Variants in ACACB observed in about 807,000 individuals in gnomAD.
The protein encoded by ACACB is acetyl-CoA carboxylase 2.
ACACB carries 209 observed loss-of-function variants against 278.8 expected under a neutral mutation model. The ratio of observed to expected loss-of-function variants is 0.75; its 90% confidence interval spans 0.67 to 0.84. The LOEUF (loss-of-function observed/expected upper bound fraction) is 0.84, where lower values mean the gene tolerates loss of function less well. ACACB is among the 40% of genes least tolerant of loss of function. The pLI, the probability that ACACB is intolerant of heterozygous loss-of-function variation, is 0.00. For synonymous variants in ACACB, 1,174 were observed against 1,285.6 expected (o/e 0.91, Z 1.86); for missense variants, 2,850 against 3,269.0 (o/e 0.87, Z 3.13).
At chr12:109,146,661 C>A (rs1271253024) in intron 2 of ACACB, among the ~76,000 whole-genome samples, 3 of 152,082 alleles carry the variant, frequency 2.0e-5, no homozygotes, top group Admixed American at 1.3e-4. Context: ...TTTGTTGTCG[C>A]CGTCTTGAGA....
chr12:109,247,059 G>C (rs2046966899), intron 39 of ACACB, among the ~76,000 whole-genome samples: 1 of 151,970 alleles, frequency 6.6e-6, no homozygotes. Context: ...TCCAGACTGG[G>C]CAACTGAGTG....
rs1367866186 is a variant in ACACB at position 109,265,091 on chromosome 12, A to C, written c.6943-19A>C. The stretch of plus-strand genomic sequence containing the variant: ...CTCCTCCTTCCCTTTCCGGGGATTC[A>C]AGCCTGGCTCGTCCACAGGACATCC... On this transcript the variant is annotated intron_variant, in intron 50 of 52. Transcript: ENST00000338432. The C allele has an allele frequency of 6.3e-7, 1 of 1,591,430 alleles. No homozygotes were observed. Among genetic ancestry groups the C allele is most frequent in the African/African-American group, 1.3e-5 (1 of 74,498 alleles).
intron 22 of ACACB, among the ~76,000 whole-genome samples, chr12:109,214,119 G>A (rs529902827): frequency 1.6e-4 from 25 of 151,840 alleles, no homozygotes; most frequent in African/African-American, 5.8e-4. Context: ...AAAATGAGTC[G>A]GGGATGGTGG....
In ACACB at chr12:109,117,046, TC is replaced by T. The variant is rs372893889; in HGVS notation, c.-10+343del. Among the ~76,000 whole-genome samples, 35 of 137,834 alleles carry T rather than the reference TC, an allele frequency of 2.5e-4. No homozygotes were observed. In the South Asian group the frequency reaches 8.1e-3, roughly 32 times the overall value. 90.4% of individuals were successfully genotyped at this position (137,834 alleles called of 152,430 possible). A position where few individuals can be genotyped will look rare whatever the true frequency, so the allele number is the denominator to read the frequency against. On this transcript the variant is annotated intron_variant, in intron 1 of 52. Coordinates refer to ENST00000338432, the MANE Select transcript of ACACB (RefSeq NM_001093.4). ...TGTTTCTGTTTCCTCAAATGGTTGT[TC>T]TTTTTTTTTTTTTTTTTTTTTTTAA...
rs1250169428 is a variant in ACACB, at chr12:109,180,020, G to A, written c.1751G>A (p.Arg584His). Residue 584 changes from arginine to histidine, a missense_variant, in exon 11 of 53, where the codon CGC (arginine) becomes CAC (histidine). Around this residue, in one of 3 missense-constraint regions of ACACB, gnomAD observed 2,265 missense variants for 2,561.3 expected, o/e 0.88. Transcript: ENST00000338432. ...GSFHFLELNP[R>H]LQVEHPCTEM... ...TTCCACTTCTTGGAGCTGAATCCTC[G>A]CTTGCAGGTGGAACATCCCTGCACA... 7 of 1,613,422 alleles carry A rather than the reference G, an allele frequency of 4.3e-6. No homozygotes were observed. The East Asian group carries it at 6.7e-5, about 15-fold the overall frequency.
intron 2 of ACACB, among the ~76,000 whole-genome samples, chr12:109,152,715 G>A (rs1032116183): frequency 2.8e-5 from 4 of 142,816 alleles, no homozygotes; most frequent in African/African-American, 1.0e-4. Flanking sequence ...CGAGATCATG[G>A]CTCACTGCAG....
chr12:109,235,560 C>T (rs116985529), intron 32 of ACACB, 46 bp from the exon 33 acceptor site: 79 of 1,557,322 alleles, frequency 5.1e-5, no homozygotes, highest in Middle Eastern at 3.4e-4. Context: ...TATTTCAGTG[C>T]GTCTTGCTTG....
intron 19 of ACACB, among the ~76,000 whole-genome samples, chr12:109,202,843 T>G (rs1050814801): frequency 6.6e-6 from 1 of 152,248 alleles, no homozygotes; most frequent in African/African-American, 2.4e-5. Context: ...CTTTAGTTCA[T>G]TTTTTAAAAA....
rs773930645 is a variant in ACACB at position 109,252,029 on chromosome 12, G to A, written c.5791-17G>A. 5.7e-6 allele frequency: 9 copies of A among 1,592,520 alleles called. No homozygotes were observed. The highest frequency in any genetic ancestry group is 1.7e-4 in the Middle Eastern group (1 of 5,974). ...CTCGCCACTCTCCAGAATTCAGAGGGGGTCCTCTCTCCACAGGTGACCTGC... is the reference window on the plus strand; with the variant it reads ...CTCGCCACTCTCCAGAATTCAGAGGAGGTCCTCTCTCCACAGGTGACCTGC... On this transcript the variant is annotated splice_polypyrimidine_tract_variant and intron_variant, in intron 41 of 52. Coordinates refer to ENST00000338432, the MANE Select transcript of ACACB (RefSeq NM_001093.4).
intron 24 of ACACB, among the ~76,000 whole-genome samples, chr12:109,219,131 C>G (rs1285699145): frequency 2.0e-5 from 3 of 152,146 alleles, no homozygotes; most frequent in African/African-American, 7.2e-5. Flanking sequence ...CGTCCACCCC[C>G]TATTGCCACT....
intron 1 of ACACB, among the ~76,000 whole-genome samples, chr12:109,117,941 G>A (rs2042447135): frequency 6.6e-6 from 1 of 152,088 alleles, no homozygotes; most frequent in South Asian, 2.1e-4. Context: ...GTAGAGACAG[G>A]GTTTCACTGT....
intron 5 of ACACB, 62 bp from the exon 6 acceptor site, chr12:109,172,212 GC>G: frequency 6.6e-7 from 1 of 1,514,314 alleles, no homozygotes; most frequent in East Asian, 2.3e-5. Context: ...GTGAGTTACT[GC>G]ACCTGGCTGG....
intron 1 of ACACB, among the ~76,000 whole-genome samples, chr12:109,122,814 C>A (rs2042582214): frequency 6.6e-6 from 1 of 151,952 alleles, no homozygotes; most frequent in Admixed American, 6.6e-5. Context: ...GCTTCAATAA[C>A]CATTGCCTTT....
At chr12:109,112,218 A>G (rs932852090), upstream of ACACB, among the ~76,000 whole-genome samples, 3 of 149,016 alleles carry the variant, frequency 2.0e-5, no homozygotes, top group South Asian at 2.1e-4. Flanking sequence ...ATATACGTAT[A>G]TTGAATATAT....
chr12:109,130,203 C>T (rs1389482250), intron 1 of ACACB, among the ~76,000 whole-genome samples: 1 of 152,138 alleles, frequency 6.6e-6, no homozygotes, highest in Non-Finnish European at 1.5e-5. Context: ...CAACTGCATC[C>T]AGCACTGCAC....
In ACACB at chr12:109,140,236, TTCC is replaced by T. The variant is rs1457704812; in HGVS notation, c.653+180_653+182del. On this transcript the variant is annotated intron_variant, in intron 2 of 52. Transcript: ENST00000338432. ...GAAGTTTCCTTCCTTCCTTCCTTCC[TTCC>T]TTCCTTCCTTCCTTCCATCCTTCCT... 1.6e-3 allele frequency among the ~76,000 whole-genome samples: 196 copies of T among 124,266 alleles called. 3 individuals are homozygous for T. Among genetic ancestry groups the T allele is most frequent in the East Asian group, 5.1e-3 (25 of 4,946 alleles). The allele number at this position is 124,266 out of a possible 152,430, so 81.5% of individuals were successfully genotyped here. A position where few individuals can be genotyped will look rare whatever the true frequency, so the allele number is the denominator to read the frequency against.
chr12:109,123,524 C>A (rs1264347639), intron 1 of ACACB, among the ~76,000 whole-genome samples: 2 of 151,774 alleles, frequency 1.3e-5, no homozygotes, highest in African/African-American at 4.8e-5. Context: ...AAACGCCCAT[C>A]TCTACAAAAA....
chr12:109,235,737 C>A, intron 33 of ACACB, 90 bp downstream of exon 33: 1 of 1,219,396 alleles, frequency 8.2e-7, no homozygotes, highest in Non-Finnish European at 1.2e-6. Context: ...GTGGCTCAAG[C>A]CCGTAATCCT....
At position 109,164,337 on chromosome 12, in the gene ACACB, A is replaced by G. The variant is rs1192847555; in HGVS notation, c.654-2524A>G. Among the ~76,000 whole-genome samples the G allele has an allele frequency of 2.6e-5, 4 of 152,114 alleles. No homozygotes were observed. The South Asian group carries it at 6.2e-4, about 24-fold the overall frequency. On this transcript the variant is annotated intron_variant, in intron 2 of 52. Transcript: ENST00000338432. The stretch of plus-strand genomic sequence containing the variant: ...AACCTCCATTCTCTGGGTTCAAGCA[A>G]TTCTCCTGCCTCAGTCTCCCAAGTA...
Sources: gnomAD v4.1 joint callset for allele counts (sites outside exome capture counted in the v4.1 genomes callset) on GRCh38, gnomAD v4.1.1 for gene constraint, gnomAD v4.1.1 regional missense constraint, MANE v1.5 for transcripts, NCBI Gene and HGNC (gene_info 2026-07-23, HGNC 2026-07-21) for gene names.